Variants in FOXN3 observed in about 807,000 individuals in gnomAD.
The protein encoded by FOXN3 is forkhead box protein N3.
Under a neutral mutation model 38.4 loss-of-function variants are expected in FOXN3, and 7 were observed. The observed-to-expected ratio is 0.18, with a 90% CI of 0.10 to 0.34. The LOEUF (loss-of-function observed/expected upper bound fraction) is 0.34, where lower values mean the gene tolerates loss of function less well. Ranked by LOEUF, FOXN3 falls within the 10% of genes least tolerant of loss-of-function variation. FOXN3 has a pLI of 1.00. For synonymous variants in FOXN3, 230 were observed against 242.2 expected, an observed-to-expected ratio of 0.95 and a Z score of 0.47; for missense variants, 456 against 613.4, an observed-to-expected ratio of 0.74 and a Z score of 2.71.
At chr14:89,251,717 T>G (rs1885462064) in intron 4 of FOXN3, among the ~76,000 whole-genome samples, 1 of 152,262 alleles carries the variant, frequency 6.6e-6, no homozygotes, top group African/African-American at 2.4e-5. Flanking sequence ...TATTCCATTT[T>G]AAATTTATTT....
At chr14:89,320,973 C>A (rs1051075358) in intron 3 of FOXN3, among the ~76,000 whole-genome samples, 1 of 152,052 alleles carries the variant, frequency 6.6e-6, no homozygotes, top group Admixed American at 6.6e-5. Context: ...GGGAAAGGAA[C>A]CTTCTTCTTG....
chr14:89,180,621 T>C (rs1887641252), intron 5 of FOXN3, 80 bp downstream of exon 5: 2 of 1,015,030 alleles, frequency 2.0e-6, no homozygotes, highest in East Asian at 5.7e-5. Context: ...CTCCTCTCTG[T>C]CTCCAGAAGG....
intron 1 of FOXN3, among the ~76,000 whole-genome samples, chr14:89,545,315 G>A (rs545580294): frequency 3.3e-5 from 5 of 152,312 alleles, no homozygotes; most frequent in East Asian, 3.9e-4. Flanking sequence ...CTCATTCGTC[G>A]ATACGGGGGC....
At chr14:89,230,855 G>A (rs1291591806) in intron 4 of FOXN3, 8 of 455,698 alleles carry the variant, frequency 1.8e-5, no homozygotes, top group African/African-American at 1.0e-4. Context: ...TGGAGATGAA[G>A]GTTTTCATTT....
rs577820465 is a variant in FOXN3 at position 89,488,132 on chromosome 14, G to A, written c.-14-75642C>T. On this transcript the variant is annotated intron_variant, in intron 1 of 6. Transcript: ENST00000345097. Reference sequence around the variant, plus strand: ...GACAGAGTCTCTATTGCCCAGACTAGAGTGCAGTGGCACAATCTCAGCTCA... The same window carrying A: ...GACAGAGTCTCTATTGCCCAGACTAAAGTGCAGTGGCACAATCTCAGCTCA... 3.6e-4 allele frequency among the ~76,000 whole-genome samples: 53 copies of A among 149,030 alleles called. No individual in the cohort carries two copies. In the South Asian group the frequency reaches 0.011, roughly 31 times the overall value.
intron 1 of FOXN3, among the ~76,000 whole-genome samples, chr14:89,514,822 A>C (rs1210038869): frequency 6.6e-6 from 1 of 152,170 alleles, no homozygotes; most frequent in East Asian, 1.9e-4. Flanking sequence ...CTGTCCTGAA[A>C]AGAAGAGGAG....
Position 89,456,905 on chromosome 14 carries a change from G to C in FOXN3, c.-14-44415C>G, listed in dbSNP as rs77352667. On this transcript the variant is annotated intron_variant, in intron 1 of 6. Coordinates refer to the FOXN3 transcript ENST00000345097. Reference sequence around the variant, plus strand: ...AGCCCAGGTCCTTTGTCTGTGAAGGGGAATAAAAATAACCACCTCTCCAGG... The same window carrying C: ...AGCCCAGGTCCTTTGTCTGTGAAGGCGAATAAAAATAACCACCTCTCCAGG... 2.3e-3 allele frequency among the ~76,000 whole-genome samples: 344 copies of C among 152,222 alleles called. 3 individuals carry two copies. In the East Asian group the frequency reaches 0.048, roughly 21 times the overall value.
At chr14:89,611,855 C>A (rs243189) in intron 1 of FOXN3, among the ~76,000 whole-genome samples, 6 of 150,754 alleles carry the variant, frequency 4.0e-5, no homozygotes, top group Admixed American at 2.0e-4. Context: ...CTAAAAAGCC[C>A]CTTCCATCAC....
chr14:89,347,846 C>T (rs1192929946), intron 3 of FOXN3, among the ~76,000 whole-genome samples: 1 of 152,098 alleles, frequency 6.6e-6, no homozygotes, highest in Non-Finnish European at 1.5e-5. Context: ...CAGCTACTCT[C>T]AGGCGGCTGA....
chr14:89,388,194 T>C (rs572935310), intron 2 of FOXN3, among the ~76,000 whole-genome samples: 1 of 152,136 alleles, frequency 6.6e-6, no homozygotes, highest in East Asian at 1.9e-4. Flanking sequence ...GGAGGGAAGA[T>C]AGCCTAAATG....
At chr14:89,219,604 C>T (rs866087541) in intron 4 of FOXN3, among the ~76,000 whole-genome samples, 1 of 152,076 alleles carries the variant, frequency 6.6e-6, no homozygotes, top group African/African-American at 2.4e-5. Flanking sequence ...TGGATGGCTG[C>T]GACTCTTACC....
intron 3 of FOXN3, among the ~76,000 whole-genome samples, chr14:89,317,011 C>T (rs940954252): frequency 6.6e-6 from 1 of 152,106 alleles, no homozygotes; most frequent in African/African-American, 2.4e-5. Context: ...GTTTGATCAG[C>T]AGCAGGAGCT....
chr14:89,269,275 T>C (rs990610939), intron 4 of FOXN3, among the ~76,000 whole-genome samples: 4 of 152,048 alleles, frequency 2.6e-5, no homozygotes, highest in African/African-American at 9.7e-5. Context: ...GACCATGAGG[T>C]AGGGAGAAGT....
chr14:89,605,347 C>CTT (rs1413946382), intron 1 of FOXN3, among the ~76,000 whole-genome samples: 2 of 151,802 alleles, frequency 1.3e-5, no homozygotes, highest in African/African-American at 4.8e-5. Flanking sequence ...TAAAGAACCA[C>CTT]TAGAAAAGGA....
intron 1 of FOXN3, among the ~76,000 whole-genome samples, chr14:89,415,148 A>G (rs554293215): frequency 3.3e-5 from 5 of 152,192 alleles, no homozygotes; most frequent in Non-Finnish European, 7.3e-5. Context: ...ATATGCCCAC[A>G]GTAGAGTATA....
intron 3 of FOXN3, among the ~76,000 whole-genome samples, chr14:89,312,723 T>C (rs1001380958): frequency 1.2e-4 from 18 of 152,188 alleles, no homozygotes; most frequent in Non-Finnish European, 7.3e-5. Flanking sequence ...AAGTTACTTG[T>C]AGAGTAGATA....
At chr14:89,489,554 A>G (rs1162117533) in intron 1 of FOXN3, among the ~76,000 whole-genome samples, 4 of 152,212 alleles carry the variant, frequency 2.6e-5, no homozygotes, top group African/African-American at 4.8e-5. Flanking sequence ...TCTAACCACA[A>G]TAGAGCATCT....
chr14:89,387,422 GA>G (rs1890822249), intron 2 of FOXN3, among the ~76,000 whole-genome samples: 1 of 152,174 alleles, frequency 6.6e-6, no homozygotes, highest in Non-Finnish European at 1.5e-5. Context: ...ACAGCCATGT[GA>G]GAAAGGCATT....
intron 1 of FOXN3, among the ~76,000 whole-genome samples, chr14:89,524,371 C>CAAAAAAAAAAAAAAAAAAAAAA (rs1301922423): frequency 4.6e-4 from 3 of 6,566 alleles, no homozygotes; most frequent in African/African-American, 1.0e-3. Context: ...GACTCCATCT[C>CAAAAAAAAAAAAAAAAAAAAAA]AAAAAAAAAA....
Sources: gnomAD v4.1 joint callset for allele counts (sites outside exome capture counted in the v4.1 genomes callset) on GRCh38, gnomAD v4.1.1 for gene constraint, MANE v1.5 for transcripts, NCBI Gene and HGNC (gene_info 2026-07-23, HGNC 2026-07-21) for gene names.